Variants in ACP3 observed in about 807,000 individuals in gnomAD.
The protein encoded by ACP3 is acid phosphatase 3.
ACP3 carries 38 observed loss-of-function variants against 45.6 expected under a neutral mutation model. The observed-to-expected ratio is 0.83, with a 90% CI of 0.64 to 1.09. The LOEUF is 1.09. ACP3 is among the 50% of genes least tolerant of loss of function. The probability of loss-of-function intolerance (pLI) is 0.00; values close to 1 mark genes in which losing one functional copy is unlikely to be tolerated. For missense variants in ACP3, 466 were observed against 463.2 expected (o/e 1.01, Z -0.05); for synonymous variants, 162 against 164.7 (o/e 0.98, Z 0.13).
At chr3:132,362,482 G>A (rs1392151679), downstream of ACP3, among the ~76,000 whole-genome samples, 8 of 152,202 alleles carry the variant, frequency 5.3e-5, no homozygotes, top group South Asian at 1.0e-3. Flanking sequence ...TGAGTAAACA[G>A]CAGCAGACAA....
chr3:132,351,554 A>T (rs2107814183), intron 8 of ACP3, among the ~76,000 whole-genome samples: 1 of 152,324 alleles, frequency 6.6e-6, no homozygotes, highest in Admixed American at 6.5e-5. Context: ...TATTATCAGG[A>T]GCCCTAAATG....
chr3:132,320,706 A>G (rs576821096), intron 1 of ACP3, among the ~76,000 whole-genome samples: 106 of 150,808 alleles, frequency 7.0e-4, no homozygotes, highest in African/African-American at 2.4e-3. Flanking sequence ...GCTGGAGTGC[A>G]ATGGCGTGAT....
rs1034632698 is a variant in ACP3, at chr3:132,351,171, A to G, written c.864+1169A>G. On this transcript the variant is annotated intron_variant, in intron 8 of 9. Coordinates refer to ENST00000336375, the MANE Select transcript of ACP3 (RefSeq NM_001099.5). ...CAGGGGCATCCCAGCAGAAAACTTCAGATGGCAAAGAGAATAGAAGGAGGA... is the reference window on the plus strand; with the variant it reads ...CAGGGGCATCCCAGCAGAAAACTTCGGATGGCAAAGAGAATAGAAGGAGGA... 2.6e-5 allele frequency among the ~76,000 whole-genome samples: 4 copies of G among 152,238 alleles called. 1 individual carries two copies. The highest frequency in any genetic ancestry group is 3.2e-3 in the Middle Eastern group (1 of 316).
chr3:132,335,238 G>A (rs1007105185), intron 4 of ACP3, among the ~76,000 whole-genome samples: 3 of 152,266 alleles, frequency 2.0e-5, no homozygotes, highest in Non-Finnish European at 1.5e-5. Context: ...TCGGTATTAC[G>A]CACATGTGAT....
intron 5 of ACP3, among the ~76,000 whole-genome samples, chr3:132,337,817 G>A (rs951672724): frequency 6.6e-6 from 1 of 152,182 alleles, no homozygotes. Flanking sequence ...AACCAGGTGT[G>A]AGTAAATGGC....
Position 132,350,857 on chromosome 3 carries a change from A to G in ACP3, c.864+855A>G, listed in dbSNP as rs550953297. On this transcript the variant is annotated intron_variant, in intron 8 of 9. Coordinates refer to ENST00000336375, the MANE Select transcript of ACP3 (RefSeq NM_001099.5). ...GCATTTTGGAAATTAATTATTTTAT[A>G]GAATAACTGGATGTTGGGAACAGGA... Among the ~76,000 whole-genome samples the G allele has an allele frequency of 3.3e-5, 5 of 152,356 alleles. No homozygotes were observed. The East Asian group carries it at 9.6e-4, about 29-fold the overall frequency.
chr3:132,360,411 A>C (rs1328284118), downstream of ACP3, among the ~76,000 whole-genome samples: 7 of 152,136 alleles, frequency 4.6e-5, no homozygotes, highest in East Asian at 1.4e-3. Flanking sequence ...TATGTCCTAT[A>C]TATGCAAGAT....
intron 7 of ACP3, among the ~76,000 whole-genome samples, chr3:132,345,709 A>G (rs1937601608): frequency 6.6e-6 from 1 of 152,196 alleles, no homozygotes; most frequent in Non-Finnish European, 1.5e-5. Context: ...CTTGGTTAGA[A>G]CTGGCTCTTC....
At chr3:132,344,364 T>C (rs1937584697) in intron 6 of ACP3, among the ~76,000 whole-genome samples, 1 of 151,476 alleles carries the variant, frequency 6.6e-6, no homozygotes, top group Non-Finnish European at 1.5e-5. Flanking sequence ...GAGGATTGCT[T>C]GAGTCCTGGA....
chr3:132,321,803 C>T (rs964002427), intron 1 of ACP3, among the ~76,000 whole-genome samples: 1 of 151,934 alleles, frequency 6.6e-6, no homozygotes. Flanking sequence ...GCTCATTTGC[C>T]CTATATGCTG....
intron 1 of ACP3, among the ~76,000 whole-genome samples, chr3:132,318,374 AT>A (rs66847428): frequency 0.21 from 31,589 of 151,390 alleles, 3,491 homozygotes; most frequent in African/African-American, 0.26. Context: ...TCTTCCCTAC[AT>A]TTTTTTATTT....
In ACP3 at chr3:132,357,534, ATT is replaced by A. The variant is rs1466979126; in HGVS notation, c.*658_*659del. 3 of 984,750 alleles carry A rather than the reference ATT, an allele frequency of 3.0e-6. No homozygotes were observed. The highest frequency in any genetic ancestry group is 1.2e-6 in the Non-Finnish European group (1 of 829,404). 61.0% of individuals were successfully genotyped at this position (984,750 alleles called of 1,614,324 possible). A position where few individuals can be genotyped will look rare whatever the true frequency, so the allele number is the denominator to read the frequency against. Reference sequence around the variant, plus strand: ...TCTTTGTGTCCCTTGGTCCTGGAACATTTATGTTCCTTTTAAAGAAACAAAAA... The same window carrying A: ...TCTTTGTGTCCCTTGGTCCTGGAACATATGTTCCTTTTAAAGAAACAAAAA... On this transcript the variant is annotated 3_prime_UTR_variant, in exon 10 of 10. Coordinates refer to ENST00000336375, the MANE Select transcript of ACP3 (RefSeq NM_001099.5).
At chr3:132,321,063 G>A (rs766283249) in intron 1 of ACP3, among the ~76,000 whole-genome samples, 2 of 152,160 alleles carry the variant, frequency 1.3e-5, no homozygotes, top group Non-Finnish European at 2.9e-5. Flanking sequence ...TACTAGGGAA[G>A]GTGGAGCTAG....
At chr3:132,351,205 A>C (rs1024241689) in intron 8 of ACP3, among the ~76,000 whole-genome samples, 1 of 152,156 alleles carries the variant, frequency 6.6e-6, no homozygotes, top group Non-Finnish European at 1.5e-5. Flanking sequence ...GAAAGGGAAG[A>C]AGGACTGCAA....
At chr3:132,346,706 C>T (rs57428852) in intron 7 of ACP3, among the ~76,000 whole-genome samples, 3,039 of 152,328 alleles carry the variant, frequency 0.02, 93 homozygotes, top group African/African-American at 0.07. Flanking sequence ...CAGGTGCCAG[C>T]AGTGTGACTC....
At chr3:132,354,444 C>G (rs573500986) in intron 9 of ACP3, among the ~76,000 whole-genome samples, 10 of 152,108 alleles carry the variant, frequency 6.6e-5, no homozygotes, top group Admixed American at 3.3e-4. Context: ...AAAAAATTAA[C>G]CAAGGGCCAC....
chr3:132,344,931 T>A lies in ACP3; in HGVS notation c.653T>A (p.Val218Asp). 1.2e-6 allele frequency: 2 copies of A among 1,613,700 alleles called. No individual in the cohort carries two copies. Among genetic ancestry groups the A allele is most frequent in the Non-Finnish European group, 8.5e-7 (1 of 1,179,858 alleles). The change falls in exon 7 of 10, where the codon GTT becomes GAT. Residue 218 changes from valine (V) to aspartate (D), a missense_variant. Transcript: ENST00000336375. ...CTTCCTTTTTCTTTGCTACAGAGTGTTCACAATTTCACTTTACCCTCCTGG... is the reference window on the plus strand; with the variant it reads ...CTTCCTTTTTCTTTGCTACAGAGTGATCACAATTTCACTTTACCCTCCTGG... Reference protein sequence around the residue: ...KVYDPLYCESVHNFTLPSWAT... With the variant: ...KVYDPLYCESDHNFTLPSWAT...
At position 132,349,448 on chromosome 3, in the gene ACP3, G is replaced by C. The variant is rs375489857; in HGVS notation, c.782-472G>C. 2.0e-5 allele frequency among the ~76,000 whole-genome samples: 3 copies of C among 152,222 alleles called. No homozygotes were observed. The East Asian group carries it at 5.8e-4, about 29-fold the overall frequency. ...GCCTCCCACAGGTCTGACTGCCAGA[G>C]AGTAGAAGCAAGAGGGGTGAAAATA... On this transcript the variant is annotated intron_variant, in intron 7 of 9. Transcript: ENST00000336375.
At chr3:132,320,970 G>A (rs1262574164) in intron 1 of ACP3, among the ~76,000 whole-genome samples, 1 of 152,138 alleles carries the variant, frequency 6.6e-6, no homozygotes, top group African/African-American at 2.4e-5. Context: ...ATTCTTGATG[G>A]AAGCAGCCTC....
Sources: gnomAD v4.1 joint callset for allele counts (sites outside exome capture counted in the v4.1 genomes callset) on GRCh38, gnomAD v4.1.1 for gene constraint, MANE v1.5 for transcripts, NCBI Gene and HGNC (gene_info 2026-07-23, HGNC 2026-07-21) for gene names.